ABCB11: variants seen among roughly 807,000 people sequenced by gnomAD.
ABCB11 encodes the protein ATP binding cassette subfamily B member 11, also known as bile salt export pump.
ABCB11 carries 95 observed loss-of-function variants against 148.0 expected under a neutral mutation model. The observed-to-expected ratio is 0.64, with a 90% CI of 0.54 to 0.76. The LOEUF (loss-of-function observed/expected upper bound fraction) is 0.76. Among genes scored for constraint, ABCB11 ranks in the 30% least tolerant of loss-of-function variants. The pLI is 0.00. For synonymous variants in ABCB11, 591 were observed against 555.4 expected, an observed-to-expected ratio of 1.06 and a Z score of -0.90; for missense variants, 1,523 against 1,617.8, an observed-to-expected ratio of 0.94 and a Z score of 1.01.
intron 2 of ABCB11, among the ~76,000 whole-genome samples, chr2:169,017,417 A>G (rs1027082264): frequency 1.3e-5 from 2 of 152,010 alleles, no homozygotes; most frequent in African/African-American, 4.8e-5. Flanking sequence ...ATGCCTGTTT[A>G]CTCTTATTAA....
downstream of ABCB11, among the ~76,000 whole-genome samples, chr2:168,915,447 A>G (rs1312833274): frequency 6.6e-6 from 1 of 152,190 alleles, no homozygotes; most frequent in Non-Finnish European, 1.5e-5. Flanking sequence ...ATTGAGTAAG[A>G]TTGTATTAAT....
downstream of ABCB11, among the ~76,000 whole-genome samples, chr2:168,919,504 C>T (rs1288249841): frequency 6.6e-6 from 1 of 152,136 alleles, no homozygotes; most frequent in Non-Finnish European, 1.5e-5. Flanking sequence ...CTGGGTACAG[C>T]ACACCTGTAA....
chr2:168,953,834 G>C lies in ABCB11; in HGVS notation c.2343+4130C>G, dbSNP rs946322242. Reference sequence around the variant, plus strand: ...AAGGGATGCCTGATTGCCTCCTTTGGAGAGGCTAATCAGAAGCTCAAAAGA... The same window carrying C: ...AAGGGATGCCTGATTGCCTCCTTTGCAGAGGCTAATCAGAAGCTCAAAAGA... On this transcript the variant is annotated intron_variant, in intron 19 of 27. Transcript: ENST00000650372. Among the ~76,000 whole-genome samples, 5 of 151,558 alleles carry C rather than the reference G, an allele frequency of 3.3e-5. No individual in the cohort carries two copies. In the South Asian group the frequency reaches 1.0e-3, roughly 31 times the overall value.
At chr2:168,916,884 C>A (rs1004908095), downstream of ABCB11, among the ~76,000 whole-genome samples, 1 of 152,064 alleles carries the variant, frequency 6.6e-6, no homozygotes, top group African/African-American at 2.4e-5. Context: ...TAAATCAAAC[C>A]CTTAGTTGGA....
At position 168,923,712 on chromosome 2, in the gene ABCB11, C is replaced by T; in HGVS notation, c.3876G>A (p.Gly1292=). The change falls in exon 28 of 28, where the codon GGG becomes GGA. Residue 1292 remains glycine (G), a synonymous_variant. Transcript: ENST00000650372. ...CATGGGTCCCCTTTTCAATCACCAC[C>T]CCCTGTGCCATGACAGCAATGATAT... The part of the protein sequence containing the change: ...NADIIAVMAQ[G]VVIEKGTHEE... The T allele has an allele frequency of 6.2e-7, 1 of 1,613,812 alleles. No homozygotes were observed.
At chr2:168,997,198 G>T (rs2106017487) in intron 5 of ABCB11, among the ~76,000 whole-genome samples, 1 of 152,134 alleles carries the variant, frequency 6.6e-6, no homozygotes, top group South Asian at 2.1e-4. Flanking sequence ...AAATCAGGAG[G>T]CTTACTGTTA....
At chr2:168,930,902 A>G in intron 24 of ABCB11, 40 bp from the exon 25 acceptor site, 6 of 1,515,950 alleles carry the variant, frequency 4.0e-6, no homozygotes, top group Non-Finnish European at 5.4e-6. Context: ...GCTCTTACTG[A>G]AGCCTAGAAT....
intron 1 of ABCB11, among the ~76,000 whole-genome samples, chr2:169,019,112 G>A (rs971015223): frequency 1.3e-5 from 2 of 152,098 alleles, no homozygotes; most frequent in Non-Finnish European, 2.9e-5. Flanking sequence ...GAAACTGCTG[G>A]CCACCATTGA....
rs746419453 is a variant in ABCB11, at chr2:169,016,806, G to GAA, written c.77-9_77-8dup. ...GATTTCTTATCATTATTATCTGTCA[G>GAA]AAAAAAAAATCAACGCAAAAAAGCA... On this transcript the variant is annotated splice_region_variant and splice_polypyrimidine_tract_variant and intron_variant, in intron 2 of 27. Transcript: ENST00000650372. The GAA allele has an allele frequency of 4.5e-6, 7 of 1,565,448 alleles. No homozygotes were observed. The South Asian group carries it at 7.2e-5, about 16-fold the overall frequency.
In ABCB11 at chr2:168,964,196, G is replaced by A. The variant is rs982481851; in HGVS notation, c.2178+10C>T. ...CTTCCATTCCCCCCCATAAGCAGTT[G>A]GTGCCTGACCTTTCTATCTTCTTCA... On this transcript the variant is annotated intron_variant, in intron 18 of 27. Transcript: ENST00000650372. 1 of 1,543,856 alleles carries A rather than the reference G, an allele frequency of 6.5e-7. No homozygotes were observed. The highest frequency in any genetic ancestry group is 1.4e-5 in the African/African-American group (1 of 72,882).
intron 18 of ABCB11, 132 bp from the exon 19 acceptor site, chr2:168,958,260 T>C (rs1692891066): frequency 3.8e-6 from 3 of 781,540 alleles, no homozygotes; most frequent in South Asian, 2.2e-5. Context: ...CTATGGGATA[T>C]GGTTGTTTGT....
intron 25 of ABCB11, among the ~76,000 whole-genome samples, chr2:168,928,526 G>T (rs905771774): frequency 5.3e-5 from 8 of 152,090 alleles, no homozygotes; most frequent in Admixed American, 5.2e-4. Flanking sequence ...AATGTTTTAC[G>T]ATGTTGTAAC....
chr2:168,955,748 C>T (rs1435890012), intron 19 of ABCB11, among the ~76,000 whole-genome samples: 1 of 151,584 alleles, frequency 6.6e-6, no homozygotes, highest in Non-Finnish European at 1.5e-5. Context: ...AAGTCTAAGT[C>T]CAAAGTCTCA....
At chr2:168,936,047 TC>T (rs1691805807) in intron 22 of ABCB11, among the ~76,000 whole-genome samples, 182 bp downstream of exon 22, 1 of 152,232 alleles carries the variant, frequency 6.6e-6, no homozygotes, top group Admixed American at 6.5e-5. Flanking sequence ...ACTCAGAGTC[TC>T]GGAGCTTTAT....
intron 11 of ABCB11, among the ~76,000 whole-genome samples, chr2:168,978,577 C>T (rs569008838): frequency 1.3e-5 from 2 of 152,142 alleles, no homozygotes; most frequent in South Asian, 2.1e-4. Context: ...TATCAAACAG[C>T]GGACAGTGAA....
At chr2:168,992,828 G>T (rs954763879) in intron 8 of ABCB11, among the ~76,000 whole-genome samples, 1 of 152,052 alleles carries the variant, frequency 6.6e-6, no homozygotes, top group Non-Finnish European at 1.5e-5. Flanking sequence ...TGTAGACACT[G>T]TGAGAATATT....
rs1000085144 is a variant in ABCB11 at position 168,922,149 on chromosome 2, C to T, written c.*1473G>A. On this transcript the variant is annotated 3_prime_UTR_variant, in exon 28 of 28. Transcript: ENST00000650372. ...CAGGAGTGAGCCACAGCGCCTGGCC[C>T]GACCTCTTTTCTAAGATTGGCCAAT... Among the ~76,000 whole-genome samples, 2 of 152,004 alleles carry T rather than the reference C, an allele frequency of 1.3e-5. No homozygotes were observed. Among genetic ancestry groups the T allele is most frequent in the Non-Finnish European group, 2.9e-5 (2 of 67,972 alleles).
intron 1 of ABCB11, among the ~76,000 whole-genome samples, chr2:169,030,832 G>T (rs1341131245): frequency 6.6e-6 from 1 of 152,170 alleles, no homozygotes. Context: ...TAGAATTTGT[G>T]ATCATTGAAT....
chr2:168,915,465 T>G (rs915790450), downstream of ABCB11, among the ~76,000 whole-genome samples: 1 of 152,198 alleles, frequency 6.6e-6, no homozygotes, highest in Admixed American at 6.5e-5. Flanking sequence ...AATTTTTAGT[T>G]AACAGCAACA....
Sources: allele counts gnomAD v4.1 joint callset (sites outside exome capture counted in the v4.1 genomes callset), GRCh38; gene constraint gnomAD v4.1.1; transcripts MANE v1.5; gene names NCBI Gene and HGNC (gene_info 2026-07-23, HGNC 2026-07-21).